CNTN4: variants seen among roughly 807,000 people sequenced by gnomAD.
CNTN4 encodes contactin-4.
A neutral mutation model predicts 122.5 loss-of-function variants in CNTN4; 77 were observed. The ratio of observed to expected loss-of-function variants is 0.63; its 90% CI spans 0.52 to 0.76. The LOEUF (loss-of-function observed/expected upper bound fraction) is 0.76, where lower values mean the gene tolerates loss of function less well. Ranked by LOEUF, CNTN4 falls within the 30% of genes least tolerant of loss-of-function variation. The pLI is 0.00. For missense variants in CNTN4, 1,256 were observed against 1,259.1 expected, an observed-to-expected ratio of 1.00 and a Z score of 0.04; for synonymous variants, 512 against 447.0, an observed-to-expected ratio of 1.15 and a Z score of -1.83.
At chr3:2,138,565 T>G (rs532709557) in intron 2 of CNTN4, among the ~76,000 whole-genome samples, 2 of 152,284 alleles carry the variant, frequency 1.3e-5, no homozygotes, top group African/African-American at 4.8e-5. Context: ...AAGCAGATTG[T>G]GAGTGGTCAT....
At chr3:2,812,389 C>T (rs1034321707) in intron 6 of CNTN4, among the ~76,000 whole-genome samples, 2 of 125,638 alleles carry the variant, frequency 1.6e-5, no homozygotes, top group African/African-American at 3.4e-5. Context: ...GAAGAATTAT[C>T]TGAATCCAGG....
At chr3:2,580,959 T>C (rs1361599493) in intron 4 of CNTN4, among the ~76,000 whole-genome samples, 1 of 152,202 alleles carries the variant, frequency 6.6e-6, no homozygotes, top group Non-Finnish European at 1.5e-5. Flanking sequence ...GGCTTTTAAT[T>C]GTCATGCTAT....
At chr3:2,967,865 T>C (rs1259699449) in intron 13 of CNTN4, among the ~76,000 whole-genome samples, 1 of 150,940 alleles carries the variant, frequency 6.6e-6, no homozygotes, top group African/African-American at 2.4e-5. Context: ...TTTTTTTTTT[T>C]AATGACAATG....
chr3:2,493,781 G>C (rs1300369070), intron 3 of CNTN4, among the ~76,000 whole-genome samples: 1 of 152,056 alleles, frequency 6.6e-6, no homozygotes, highest in African/African-American at 2.4e-5. Context: ...ACTATTATGG[G>C]GAGACTTCAG....
chr3:2,692,870 A>G (rs576154848), intron 4 of CNTN4, among the ~76,000 whole-genome samples: 1 of 152,264 alleles, frequency 6.6e-6, no homozygotes, highest in South Asian at 2.1e-4. Flanking sequence ...TTTTAAAAAT[A>G]TGGTAGCCTA....
intron 4 of CNTN4, among the ~76,000 whole-genome samples, chr3:2,664,944 T>C (rs1011069414): frequency 2.0e-5 from 3 of 152,196 alleles, no homozygotes; most frequent in African/African-American, 7.2e-5. Flanking sequence ...TTTTAATCTG[T>C]ATGTCAGTTC....
At chr3:2,292,090 ATAAT>A (rs1340257258) in intron 2 of CNTN4, among the ~76,000 whole-genome samples, 1 of 152,224 alleles carries the variant, frequency 6.6e-6, no homozygotes, top group African/African-American at 2.4e-5. Flanking sequence ...AATCCATCAC[ATAAT>A]TAACCGTTAA....
At chr3:2,984,536 CTG>C (rs1418731734) in intron 13 of CNTN4, among the ~76,000 whole-genome samples, 1 of 152,244 alleles carries the variant, frequency 6.6e-6, no homozygotes, top group African/African-American at 2.4e-5. Context: ...TTGGGAAACT[CTG>C]TCTCAGAGCT....
rs546706801 is a variant in CNTN4, at chr3:2,525,087, A to T, written c.-88-46329A>T. On this transcript the variant is annotated intron_variant, in intron 3 of 24. Transcript: ENST00000418658. Reference sequence around the variant, plus strand: ...TAGATCTTCACTGTGTGTGTCACTGAATATGACGACCTGGATGAGAACACC... The same window carrying T: ...TAGATCTTCACTGTGTGTGTCACTGTATATGACGACCTGGATGAGAACACC... Among the ~76,000 whole-genome samples the T allele has an allele frequency of 2.0e-5, 3 of 152,232 alleles. No homozygotes were observed. In the South Asian group the frequency reaches 6.2e-4, roughly 32 times the overall value.
At chr3:2,430,547 T>G (rs13074189) in intron 3 of CNTN4, among the ~76,000 whole-genome samples, 2,105 of 149,266 alleles carry the variant, frequency 0.014, 25 homozygotes, top group Non-Finnish European at 0.023. Flanking sequence ...TAGCTTATTA[T>G]AATTAGAAGG....
intron 9 of CNTN4, among the ~76,000 whole-genome samples, chr3:2,885,844 T>A (rs576972030): frequency 6.6e-6 from 1 of 152,162 alleles, no homozygotes; most frequent in Non-Finnish European, 1.5e-5. Context: ...CTCACACACA[T>A]TTCTGGTATT....
intron 2 of CNTN4, among the ~76,000 whole-genome samples, chr3:2,277,398 A>G (rs940933625): frequency 6.6e-6 from 1 of 152,176 alleles, no homozygotes; most frequent in Non-Finnish European, 1.5e-5. Flanking sequence ...TTTTAAATAT[A>G]TATATATGGA....
intron 2 of CNTN4, among the ~76,000 whole-genome samples, chr3:2,302,308 A>G (rs1036460379): frequency 1.3e-5 from 2 of 152,124 alleles, no homozygotes; most frequent in East Asian, 1.9e-4. Context: ...CACACCTGTA[A>G]TCTCAGCTAC....
intron 2 of CNTN4, among the ~76,000 whole-genome samples, chr3:2,230,105 C>T (rs2039428893): frequency 6.6e-6 from 1 of 152,190 alleles, no homozygotes; most frequent in South Asian, 2.1e-4. Context: ...GATACCATTT[C>T]TGAGCAATCC....
chr3:2,494,963 T>C (rs1320551374), intron 3 of CNTN4, among the ~76,000 whole-genome samples: 2 of 152,214 alleles, frequency 1.3e-5, no homozygotes, highest in Non-Finnish European at 1.5e-5. Context: ...TGAGGTATTA[T>C]GAAAAACTAT....
intron 4 of CNTN4, among the ~76,000 whole-genome samples, chr3:2,711,579 G>A (rs1383084754): frequency 6.6e-6 from 1 of 152,082 alleles, no homozygotes; most frequent in African/African-American, 2.4e-5. Flanking sequence ...CAAGGCCTCT[G>A]AACGTACAAA....
intron 3 of CNTN4, among the ~76,000 whole-genome samples, chr3:2,551,974 G>A (rs758590344): frequency 3.9e-5 from 6 of 152,078 alleles, no homozygotes; most frequent in Non-Finnish European, 5.9e-5. Context: ...CTACCTGACC[G>A]TTACTTAAAA....
intron 4 of CNTN4, among the ~76,000 whole-genome samples, chr3:2,686,559 G>A (rs1011664483): frequency 7.1e-6 from 1 of 140,346 alleles, no homozygotes; most frequent in Non-Finnish European, 1.5e-5. Context: ...AAAATTGTTT[G>A]ATGTTTGCTT....
At chr3:2,997,372 G>A (rs953528851) in intron 14 of CNTN4, among the ~76,000 whole-genome samples, 2 of 152,188 alleles carry the variant, frequency 1.3e-5, no homozygotes, top group African/African-American at 4.8e-5. Flanking sequence ...GTGGTCCCAT[G>A]GGGGGAGCCA....
Sources: gnomAD v4.1 joint callset for allele counts (sites outside exome capture counted in the v4.1 genomes callset) on GRCh38, gnomAD v4.1.1 for gene constraint, MANE v1.5 for transcripts, NCBI Gene and HGNC (gene_info 2026-07-23, HGNC 2026-07-21) for gene names.